Variants in SULF1 observed in about 807,000 individuals in gnomAD.
SULF1 encodes the protein extracellular sulfatase Sulf-1.
Under a neutral mutation model 110.5 loss-of-function variants are expected in SULF1, and 46 were observed. The observed-to-expected ratio is 0.42, with a 90% CI of 0.33 to 0.53. SULF1 has a LOEUF of 0.53. SULF1 is among the 20% of genes least tolerant of loss of function. The probability of loss-of-function intolerance (pLI) is 0.12; values close to 1 mark genes in which losing one functional copy is unlikely to be tolerated. For synonymous variants in SULF1, 371 were observed against 387.1 expected (o/e 0.96, Z 0.49); for missense variants, 941 against 1,094.2 (o/e 0.86, Z 1.98).
chr8:69,624,195 C>A lies in SULF1; in HGVS notation c.1848C>A (p.His616Gln). The stretch of plus-strand genomic sequence containing the variant: ...CACCTACCACTGTCCGAGTGACACA[C>A]AAGTAAGAAAGCTTTATTTGTTCAC... ...VGPPTTVRVT[H>Q]KCFILPNDSI... The change falls in exon 15 of 23, where the codon CAC becomes CAA. Residue 616 changes from histidine (H) to glutamine (Q), a missense_variant and splice_region_variant. Coordinates refer to ENST00000402687, the MANE Select transcript of SULF1 (RefSeq NM_001128205.2). 1 of 1,570,110 alleles carries A rather than the reference C, an allele frequency of 6.4e-7. No individual in the cohort carries two copies. Among genetic ancestry groups the A allele is most frequent in the South Asian group, 1.2e-5 (1 of 84,326 alleles).
chr8:69,593,850 A>G (rs1430523965), intron 8 of SULF1, among the ~76,000 whole-genome samples: 1 of 152,170 alleles, frequency 6.6e-6, no homozygotes, highest in Non-Finnish European at 1.5e-5. Context: ...CTCCATAGGG[A>G]TGCAATTCCT....
rs759553597 is a variant in SULF1 at position 69,621,143 on chromosome 8, G to A, written c.1486G>A (p.Gly496Ser). ...RQSTRNLYAR[G>S]FHDKDKECSC... ...GAGCACGCGGAACCTCTACGCTCGC[G>A]GCTTCCATGACAAAGACAAAGAGTG... Residue 496 changes from glycine to serine, a missense_variant, in exon 14 of 23, where the codon GGC becomes AGC. Gly to Ser is a moderately conservative substitution (Grantham distance 56, BLOSUM62 0). Transcript: ENST00000402687. 36 of 1,614,048 alleles carry A rather than the reference G, an allele frequency of 2.2e-5. No individual in the cohort carries two copies. Among genetic ancestry groups the A allele is most frequent in the South Asian group, 7.7e-5 (7 of 91,090 alleles).
At chr8:69,494,921 T>A (rs1742522006) in intron 1 of SULF1, among the ~76,000 whole-genome samples, 2 of 150,442 alleles carry the variant, frequency 1.3e-5, no homozygotes, top group Non-Finnish European at 2.9e-5. Context: ...TATTGTAGTG[T>A]TCCAGTGAGA....
chr8:69,488,991 T>TGACAGA (rs1159832516), upstream of SULF1, among the ~76,000 whole-genome samples: 3 of 152,130 alleles, frequency 2.0e-5, no homozygotes, highest in African/African-American at 7.2e-5. Context: ...GGAGTGAGGC[T>TGACAGA]GGCCCAGCTG....
In SULF1 at chr8:69,659,581, C is replaced by T. The variant is rs1812978643; in HGVS notation, c.*1046C>T. On this transcript the variant is annotated 3_prime_UTR_variant, in exon 23 of 23. Coordinates refer to ENST00000402687, the MANE Select transcript of SULF1 (RefSeq NM_001128205.2). The stretch of plus-strand genomic sequence containing the variant: ...TTTTTGCTTGTTTGTTTGTTTTGTA[C>T]TAAAACAGTATTATCTTTTGAATAT... 1 of 240,958 alleles carries T rather than the reference C, an allele frequency of 4.2e-6. No individual in the cohort carries two copies. Among genetic ancestry groups the T allele is most frequent in the African/African-American group, 2.3e-5 (1 of 43,888 alleles). 14.9% of individuals were successfully genotyped at this position (240,958 alleles called of 1,614,324 possible). A position where few individuals can be genotyped will look rare whatever the true frequency, so the allele number is the denominator to read the frequency against.
intron 5 of SULF1, 103 bp downstream of exon 5, chr8:69,564,250 C>T: frequency 5.9e-6 from 8 of 1,356,484 alleles, no homozygotes; most frequent in Non-Finnish European, 8.3e-6. Context: ...TTAATTATTG[C>T]ACATTAACCA....
chr8:69,567,805 C>A (rs1816006603), intron 5 of SULF1, among the ~76,000 whole-genome samples: 1 of 152,160 alleles, frequency 6.6e-6, no homozygotes, highest in Non-Finnish European at 1.5e-5. Flanking sequence ...CATGGGTGTA[C>A]AAAGAGCTCT....
intron 13 of SULF1, among the ~76,000 whole-genome samples, chr8:69,608,095 A>C (rs1808370990): frequency 6.6e-6 from 1 of 152,216 alleles, no homozygotes; most frequent in Admixed American, 6.5e-5. Context: ...ATGTGGGTGC[A>C]TGAGGTAAGT....
Position 69,621,150 on chromosome 8 carries a change from A to T in SULF1, c.1493A>T (p.His498Leu). 1 of 1,614,210 alleles carries T rather than the reference A, an allele frequency of 6.2e-7. No homozygotes were observed. The highest frequency in any genetic ancestry group is 8.5e-7 in the Non-Finnish European group (1 of 1,180,024). Residue 498 changes from histidine to leucine, a missense_variant, in exon 14 of 23, where the codon CAT becomes CTT. Coordinates refer to ENST00000402687, the MANE Select transcript of SULF1 (RefSeq NM_001128205.2). ...CGGAACCTCTACGCTCGCGGCTTCC[A>T]TGACAAAGACAAAGAGTGCAGTTGT... ...STRNLYARGF[H>L]DKDKECSCRE...
chr8:69,502,955 G>A (rs763718425), intron 3 of SULF1, among the ~76,000 whole-genome samples: 21 of 151,950 alleles, frequency 1.4e-4, no homozygotes, highest in Non-Finnish European at 2.5e-4. Context: ...CTAAATGGCC[G>A]GGATTATAGG....
At chr8:69,603,753 A>G (rs1672044435) in intron 12 of SULF1, 97 bp downstream of exon 12, 1 of 856,808 alleles carries the variant, frequency 1.2e-6, no homozygotes, top group African/African-American at 1.7e-5. Context: ...TTTACTAAGC[A>G]TGCAGATTTC....
At chr8:69,643,613 C>T (rs1811652787) in intron 22 of SULF1, among the ~76,000 whole-genome samples, 1 of 152,134 alleles carries the variant, frequency 6.6e-6, no homozygotes, top group Non-Finnish European at 1.5e-5. Context: ...AACCTTCAGA[C>T]TTATTTAGAG....
intron 3 of SULF1, among the ~76,000 whole-genome samples, chr8:69,520,713 G>A (rs1436069441): frequency 6.6e-6 from 1 of 152,106 alleles, no homozygotes; most frequent in African/African-American, 2.4e-5. Flanking sequence ...CTTTGCCAAA[G>A]CCTTAGGTTC....
rs184662407 is a variant in SULF1, at chr8:69,570,171, C to T, written c.173-5799C>T. Among the ~76,000 whole-genome samples the T allele has an allele frequency of 8.5e-5, 13 of 152,234 alleles. No homozygotes were observed. In the East Asian group the frequency reaches 2.5e-3, roughly 29 times the overall value. Reference sequence around the variant, plus strand: ...AACACCCCTCCACAATCAGTAAGAGCTGGGTTTGCTTGTTGTTGTCAATCT... The same window carrying T: ...AACACCCCTCCACAATCAGTAAGAGTTGGGTTTGCTTGTTGTTGTCAATCT... On this transcript the variant is annotated intron_variant, in intron 5 of 22. Transcript: ENST00000402687.
chr8:69,604,994 T>C (rs1412336201), intron 13 of SULF1, 62 bp downstream of exon 13: 10 of 1,593,766 alleles, frequency 6.3e-6, no homozygotes, highest in African/African-American at 1.4e-5. Context: ...ATTTAGAAAA[T>C]TGTCCACATA....
intron 3 of SULF1, among the ~76,000 whole-genome samples, chr8:69,522,117 C>T (rs113570387): frequency 6.6e-6 from 1 of 151,526 alleles, no homozygotes; most frequent in African/African-American, 2.4e-5. Context: ...GTGGAATGAT[C>T]TCAGCTCACT....
intron 7 of SULF1, among the ~76,000 whole-genome samples, chr8:69,587,878 G>T (rs1265883333): frequency 6.6e-6 from 1 of 152,152 alleles, no homozygotes; most frequent in Non-Finnish European, 1.5e-5. Context: ...TGTCTGAAAA[G>T]AATATATATC....
chr8:69,587,687 C>G (rs1227016341), intron 7 of SULF1, among the ~76,000 whole-genome samples: 1 of 152,170 alleles, frequency 6.6e-6, no homozygotes, highest in Non-Finnish European at 1.5e-5. Flanking sequence ...AGACCACGTG[C>G]ACTAATTGTC....
At chr8:69,602,710 T>A (rs1416102056) in intron 10 of SULF1, among the ~76,000 whole-genome samples, 1 of 152,224 alleles carries the variant, frequency 6.6e-6, no homozygotes, top group African/African-American at 2.4e-5. Context: ...AAGAATGTTA[T>A]TGTGCTTCCT....
Sources: allele counts gnomAD v4.1 joint callset (sites outside exome capture counted in the v4.1 genomes callset), GRCh38; gene constraint gnomAD v4.1.1; transcripts MANE v1.5; gene names NCBI Gene and HGNC (gene_info 2026-07-23, HGNC 2026-07-21).